FOXK1: variants seen among roughly 807,000 people sequenced by gnomAD.
The protein encoded by FOXK1 is forkhead box K1.
A neutral mutation model predicts 51.9 loss-of-function variants in FOXK1; 19 were observed. The observed-to-expected ratio is 0.37, with a 90% CI of 0.26 to 0.54. The LOEUF is 0.54. Ranked by LOEUF, FOXK1 falls within the 20% of genes least tolerant of loss-of-function variation. The probability of loss-of-function intolerance (pLI) is 0.87; values close to 1 mark genes in which losing one functional copy is unlikely to be tolerated. For missense variants in FOXK1, 870 were observed against 1,032.7 expected (o/e 0.84, Z 2.16); for synonymous variants, 537 against 482.6 (o/e 1.11, Z -1.48).
At chr7:4,741,409 A>C (rs541196597) in intron 2 of FOXK1, among the ~76,000 whole-genome samples, 2 of 151,888 alleles carry the variant, frequency 1.3e-5, no homozygotes, top group Admixed American at 1.3e-4. Context: ...GCTCACTGCA[A>C]CCTCCACCTC....
chr7:4,697,924 A>T (rs1006908787), intron 1 of FOXK1, among the ~76,000 whole-genome samples: 1 of 151,952 alleles, frequency 6.6e-6, no homozygotes, highest in Non-Finnish European at 1.5e-5. Context: ...TCCTGGGTTC[A>T]AGTGATTCTC....
rs563565296 is a variant in FOXK1 at position 4,711,358 on chromosome 7, T to A, written c.560+28490T>A. ...ACACGCCCAGAGTGGAAGGGCTTCC[T>A]GTGAGAGGGTGTGGCAGTCCGGGGG... On this transcript the variant is annotated intron_variant, in intron 1 of 8. Transcript: ENST00000328914. This position sits in a 1 kb window ranked among gnomAD's most constrained non-coding sequence, Gnocchi z 6.3. Among the ~76,000 whole-genome samples, 310 of 152,260 alleles carry A rather than the reference T, an allele frequency of 2.0e-3. 1 individual carries two copies. Among genetic ancestry groups the A allele is most frequent in the Non-Finnish European group, 3.0e-3 (202 of 68,004 alleles).
intron 1 of FOXK1, among the ~76,000 whole-genome samples, chr7:4,696,732 A>C: frequency 6.6e-6 from 1 of 152,160 alleles, no homozygotes; most frequent in East Asian, 1.9e-4. Flanking sequence ...AACCTTGCCT[A>C]TGGAAAGTCC....
chr7:4,762,429 G>A lies in FOXK1; in HGVS notation c.2167G>A (p.Ala723Thr). Residue 723 changes from alanine to threonine, a missense_variant, in exon 9 of 9, where the codon GCT becomes ACT. This residue lies in a region of FOXK1 where 457 missense variants were observed against 510.8 expected (regional missense o/e 0.89). Transcript: ENST00000328914. This position sits in a 1 kb window ranked among gnomAD's most constrained non-coding sequence, Gnocchi z 5.7. ...AACCACACCGGCTGGAGTGATCGCA[G>A]CTGCCGGCCCCCAGGGGCCAGGCAC... The part of the protein sequence containing the change: ...AVTTPAGVIA[A>T]AGPQGPGTGE 1 of 1,547,462 alleles carries A rather than the reference G, an allele frequency of 6.5e-7. No individual in the cohort carries two copies.
intron 1 of FOXK1, among the ~76,000 whole-genome samples, chr7:4,724,230 C>T (rs12701881): frequency 0.022 from 3,321 of 152,234 alleles, 51 homozygotes; most frequent in Middle Eastern, 0.037. Flanking sequence ...GAGTCTTCCT[C>T]TGTCACCCAG....
Position 4,763,490 on chromosome 7 carries a change from A to T in FOXK1, c.*1026A>T, listed in dbSNP as rs1408055760. 2 of 152,378 alleles carry T rather than the reference A, an allele frequency of 1.3e-5. No individual in the cohort carries two copies. The highest frequency in any genetic ancestry group is 2.4e-5 in the African/African-American group (1 of 41,460). 9.4% of individuals were successfully genotyped at this position (152,378 alleles called of 1,614,324 possible). On this transcript the variant is annotated 3_prime_UTR_variant, in exon 9 of 9. Transcript: ENST00000328914. ...CTCCCACATTGATCTGCTGTTTTCAATTGGAACCATTTCTCCTGCCTGAAA... is the reference window on the plus strand; with the variant it reads ...CTCCCACATTGATCTGCTGTTTTCATTTGGAACCATTTCTCCTGCCTGAAA...
chr7:4,705,564 T>TCC (rs1780078094), intron 1 of FOXK1, among the ~76,000 whole-genome samples: 1 of 151,336 alleles, frequency 6.6e-6, no homozygotes, highest in Admixed American at 6.6e-5. Context: ...TCTCTCGCTC[T>TCC]CGCTCTCTCG....
At chr7:4,690,930 T>C (rs1427145990) in intron 1 of FOXK1, among the ~76,000 whole-genome samples, 1 of 152,178 alleles carries the variant, frequency 6.6e-6, no homozygotes, top group Non-Finnish European at 1.5e-5. Context: ...CATATTAAAA[T>C]GAGAGGATTA....
Position 4,759,540 on chromosome 7 carries a change from G to A in FOXK1, c.1641G>A (p.Gly547=), listed in dbSNP as rs200818519. Residue 547 remains glycine (G), a synonymous_variant, in exon 7 of 9, where the codon GGG becomes GGA. Transcript: ENST00000328914. ...GYILTSQGAA[G]GSHDAAGAAV... ...TCCTCACCAGCCAGGGCGCGGCGGG[G>A]GGCTCCCATGATGCGGCGGGCGCAG... 2.4e-5 allele frequency: 38 copies of A among 1,556,374 alleles called. No individual in the cohort carries two copies. In the East Asian group the frequency reaches 7.8e-4, roughly 32 times the overall value.
At chr7:4,696,670 TC>T (rs1182317815) in intron 1 of FOXK1, among the ~76,000 whole-genome samples, 2 of 152,208 alleles carry the variant, frequency 1.3e-5, no homozygotes, top group African/African-American at 4.8e-5. Flanking sequence ...AAGACACACT[TC>T]CAGGTGTCAT....
At chr7:4,750,585 A>G (rs936956293) in intron 2 of FOXK1, among the ~76,000 whole-genome samples, 2 of 149,992 alleles carry the variant, frequency 1.3e-5, no homozygotes, top group East Asian at 2.0e-4. Context: ...TGGGACTACA[A>G]GTGCCCGCCA....
intron 2 of FOXK1, among the ~76,000 whole-genome samples, chr7:4,742,694 G>A (rs762021221): frequency 6.6e-6 from 1 of 152,192 alleles, no homozygotes; most frequent in Non-Finnish European, 1.5e-5. Flanking sequence ...TGAGGTTACA[G>A]GTGTGAGCCA....
At chr7:4,759,028 C>T (rs367944905) in intron 5 of FOXK1, 23 bp from the exon 6 acceptor site, 5 of 1,564,296 alleles carry the variant, frequency 3.2e-6, no homozygotes, top group Admixed American at 1.8e-5. Context: ...CGCTGACTGC[C>T]GCGGCCCTTG....
At position 4,686,033 on chromosome 7, in the gene FOXK1, G is replaced by A. The variant is rs570570269; in HGVS notation, c.560+3165G>A. Among the ~76,000 whole-genome samples, 9 of 152,088 alleles carry A rather than the reference G, an allele frequency of 5.9e-5. No individual in the cohort carries two copies. The South Asian group carries it at 8.3e-4, about 14-fold the overall frequency. ...ATTAAGAAATTTTAAGGATTTCAGCGCAAGGAAGTTAGATGCGTAAGTTTT... is the reference window on the plus strand; with the variant it reads ...ATTAAGAAATTTTAAGGATTTCAGCACAAGGAAGTTAGATGCGTAAGTTTT... On this transcript the variant is annotated intron_variant, in intron 1 of 8. Coordinates refer to ENST00000328914, the MANE Select transcript of FOXK1 (RefSeq NM_001037165.2).
chr7:4,725,069 G>A (rs1030877731), intron 1 of FOXK1, among the ~76,000 whole-genome samples: 9 of 152,234 alleles, frequency 5.9e-5, no homozygotes, highest in East Asian at 1.9e-4. Flanking sequence ...CCATCCAAGC[G>A]CGGTGCACCC....
In FOXK1 at chr7:4,754,577, G is replaced by T; in HGVS notation, c.865G>T (p.Glu289Ter). 1 of 1,608,198 alleles carries T rather than the reference G, an allele frequency of 6.2e-7. No individual in the cohort carries two copies. The change falls in exon 3 of 9, where the codon GAG becomes TAG. Residue 289 changes from glutamate to a stop codon, truncating the protein, a stop_gained. Coordinates refer to ENST00000328914, the MANE Select transcript of FOXK1 (RefSeq NM_001037165.2). LOFTEE classifies it high-confidence loss of function. ...AAEFAAKAAS[E>*]QQADTSGGDS... is the part of the protein sequence containing the mutation. The stretch of plus-strand genomic sequence containing the variant: ...AGAGTTTGCAGCAAAGGCCGCGTCG[G>T]AGCAGCAGGCAGACACGTCTGGAGG...
In FOXK1 at chr7:4,749,555, C is replaced by T. The variant is rs73305335; in HGVS notation, c.747-4904C>T. On this transcript the variant is annotated intron_variant, in intron 2 of 8. Coordinates refer to ENST00000328914, the MANE Select transcript of FOXK1 (RefSeq NM_001037165.2). The surrounding 1 kb of genome is among the most constrained non-coding windows in gnomAD (Gnocchi z 6.0). ...CGCCCCTCCACTGCCCACAAGGCTC[C>T]GTCGCAGCTCCTTCCTCCAGCCCCT... Among the ~76,000 whole-genome samples, 3,105 of 152,290 alleles carry T rather than the reference C, an allele frequency of 0.02. 122 individuals are homozygous for T. The highest frequency in any genetic ancestry group is 0.07 in the African/African-American group (2,893 of 41,562).
Position 4,755,303 on chromosome 7 carries a change from C to T in FOXK1, c.970C>T (p.Arg324Trp), listed in dbSNP as rs747089206. 5 of 1,613,934 alleles carry T rather than the reference C, an allele frequency of 3.1e-6. No individual in the cohort carries two copies. The Admixed American group carries it at 5.0e-5, about 16-fold the overall frequency. ...GCAGGCCATCTCCTCCGCCCAGGAC[C>T]GGCAGCTGACCCTGAGCGGGATCTA... ...IVQAISSAQD[R>W]QLTLSGIYAH... Residue 324 changes from arginine to tryptophan, a missense_variant, in exon 4 of 9, where the codon CGG becomes TGG. Arg to Trp is a moderately radical substitution (Grantham distance 101). Transcript: ENST00000328914. This position sits in a 1 kb window ranked among gnomAD's most constrained non-coding sequence, Gnocchi z 6.6.
rs537034802 is a variant in FOXK1 at position 4,769,538 on chromosome 7, G to C, written c.*7074G>C. On this transcript the variant is annotated 3_prime_UTR_variant, in exon 9 of 9. Transcript: ENST00000328914. This position sits in a 1 kb window ranked among gnomAD's most constrained non-coding sequence, Gnocchi z 4.1. ...ACTGCAACCTCCGCCTCCCAGGTTC[G>C]AGCGAATTCTCCTGCCTCAACCTCC... is the stretch of plus-strand genomic sequence containing the variant. 1 of 151,762 alleles carries C rather than the reference G, an allele frequency of 6.6e-6. No individual in the cohort carries two copies. Among genetic ancestry groups the C allele is most frequent in the Non-Finnish European group, 1.5e-5 (1 of 68,036 alleles). The allele number at this position is 151,762 out of a possible 1,614,324, so 9.4% of individuals were successfully genotyped here.
Sources: gnomAD v4.1 joint callset for allele counts (sites outside exome capture counted in the v4.1 genomes callset) on GRCh38, gnomAD v4.1.1 for gene constraint, gnomAD v4.1.1 regional missense constraint, Gnocchi (gnomAD v3.1) non-coding constraint, MANE v1.5 for transcripts, NCBI Gene and HGNC (gene_info 2026-07-23, HGNC 2026-07-21) for gene names.